Variants in TRMT5 observed in about 807,000 individuals in gnomAD.
The protein encoded by TRMT5 is tRNA (guanine(37)-N(1))-methyltransferase.
Under a neutral mutation model 42.2 loss-of-function variants are expected in TRMT5, and 31 were observed. That is an observed-to-expected ratio of 0.73 (90% confidence interval 0.55 to 0.99). TRMT5 has a LOEUF of 0.99. TRMT5 is among the 50% of genes least tolerant of loss of function. The pLI is 0.00. For missense variants in TRMT5, 568 were observed against 595.0 expected (o/e 0.95, Z 0.47); for synonymous variants, 198 against 209.6 (o/e 0.94, Z 0.48).
chr14:60,975,872 C>T lies in TRMT5; in HGVS notation c.1047G>A (p.Val349=). 6.2e-7 allele frequency: 1 copy of T among 1,614,188 alleles called. No homozygotes were observed. The highest frequency in any genetic ancestry group is 1.1e-5 in the South Asian group (1 of 91,078). The change falls in exon 4 of 5, where the codon GTG becomes GTA. Residue 349 remains valine, a synonymous_variant. Coordinates refer to ENST00000261249, the MANE Select transcript of TRMT5 (RefSeq NM_020810.3). ...CTTTCCCATCCAAGTTGAAGACTTT[C>T]ACCTTTTGGTCCACTTTATTTAATT... ...NCKLNKVDQK[V]KVFNLDGKDF...
intron 2 of TRMT5, 99 bp from the exon 3 acceptor site, chr14:60,977,737 T>C: frequency 7.9e-7 from 1 of 1,269,606 alleles, no homozygotes; most frequent in Non-Finnish European, 1.1e-6. Flanking sequence ...TTTCTTTTGG[T>C]TGATAAAGAC....
rs2036777522 is a variant in TRMT5, at chr14:60,971,821, C to T, written c.*3288G>A. 6.0e-6 allele frequency: 1 copy of T among 166,470 alleles called. No homozygotes were observed. The highest frequency in any genetic ancestry group is 1.3e-5 in the Non-Finnish European group (1 of 78,168). 10.3% of individuals were successfully genotyped at this position (166,470 alleles called of 1,614,324 possible). A position where few individuals can be genotyped will look rare whatever the true frequency, so the allele number is the denominator to read the frequency against. ...TCACTGGAAAGTCCAGATTGCCAGA[C>T]ACACTGGTAACCAATGACCGGGGGT... is the stretch of plus-strand genomic sequence containing the variant. On this transcript the variant is annotated 3_prime_UTR_variant, in exon 5 of 5. Coordinates refer to ENST00000261249, the MANE Select transcript of TRMT5 (RefSeq NM_020810.3).
At position 60,975,631 on chromosome 14, in the gene TRMT5, C is replaced by A; in HGVS notation, c.1288G>T (p.Asp430Tyr). The change falls in exon 4 of 5, where the codon GAT becomes TAT. Residue 430 changes from aspartate to tyrosine, a missense_variant. Asp to Tyr is a radical substitution (Grantham distance 160). Coordinates refer to ENST00000261249, the MANE Select transcript of TRMT5 (RefSeq NM_020810.3). Reference sequence around the variant, plus strand: ...ACAGCTCCAGCCCTTTGCCGAACATCCTCAGCAGGGTTAGCATCTTTGGAA... The same window carrying A: ...ACAGCTCCAGCCCTTTGCCGAACATACTCAGCAGGGTTAGCATCTTTGGAA... Reference protein sequence around the residue: ...SFSKDANPAEDVRQRAGAVLG... With the variant: ...SFSKDANPAEYVRQRAGAVLG... 6.2e-7 allele frequency: 1 copy of A among 1,614,198 alleles called. No homozygotes were observed. The highest frequency in any genetic ancestry group is 8.5e-7 in the Non-Finnish European group (1 of 1,180,030).
chr14:60,978,896 T>C (rs1270549123), intron 2 of TRMT5, among the ~76,000 whole-genome samples: 1 of 152,176 alleles, frequency 6.6e-6, no homozygotes, highest in East Asian at 1.9e-4. Context: ...TTATGAAACC[T>C]AGTATTTAAC....
chr14:60,979,092 G>T, intron 2 of TRMT5, 139 bp downstream of exon 2: 1 of 768,476 alleles, frequency 1.3e-6, no homozygotes, highest in Non-Finnish European at 2.0e-6. Flanking sequence ...AGGGTATGTA[G>T]CTCAAGATCT....
chr14:60,975,526 T>A lies in TRMT5; in HGVS notation c.1393A>T (p.Thr465Ser), dbSNP rs2036833907. The change falls in exon 4 of 5, where the codon ACG (threonine) becomes TCG (serine). Residue 465 changes from threonine to serine, a missense_variant. Physicochemically the swap from Thr to Ser is moderately conservative, Grantham distance 58 (BLOSUM62 1). Coordinates refer to ENST00000261249, the MANE Select transcript of TRMT5 (RefSeq NM_020810.3). ...AGGACAGAGGCAGGAATCTGAAACG[T>A]GATGCACAGCATTTCCTTGTTTGGG... ...VAPNKEMLCI[T>S]FQIPASVLYK... 1 of 1,614,208 alleles carries A rather than the reference T, an allele frequency of 6.2e-7. No individual in the cohort carries two copies. Among genetic ancestry groups the A allele is most frequent in the African/African-American group, 1.3e-5 (1 of 75,044 alleles).
At position 60,973,681 on chromosome 14, in the gene TRMT5, C is replaced by A. The variant is rs1178627823; in HGVS notation, c.*1428G>T. 6.6e-6 allele frequency: 1 copy of A among 152,180 alleles called. No individual in the cohort carries two copies. The highest frequency in any genetic ancestry group is 1.5e-5 in the Non-Finnish European group (1 of 68,040). The allele number at this position is 152,180 out of a possible 1,614,324, so 9.4% of individuals were successfully genotyped here. A position where few individuals can be genotyped will look rare whatever the true frequency, so the allele number is the denominator to read the frequency against. ...TAAAAATAAAAATAGAGTCAAAGAACCATCCAGAATCATTTCCTTTTTAAA... is the reference window on the plus strand; with the variant it reads ...TAAAAATAAAAATAGAGTCAAAGAAACATCCAGAATCATTTCCTTTTTAAA... On this transcript the variant is annotated 3_prime_UTR_variant, in exon 5 of 5. Coordinates refer to ENST00000261249, the MANE Select transcript of TRMT5 (RefSeq NM_020810.3).
In TRMT5 at chr14:60,975,628, C is replaced by T; in HGVS notation, c.1291G>A (p.Val431Ile). The T allele has an allele frequency of 1.9e-6, 3 of 1,614,214 alleles. No homozygotes were observed. The highest frequency in any genetic ancestry group is 2.5e-6 in the Non-Finnish European group (3 of 1,180,042). ...FSKDANPAED[V>I]RQRAGAVLGI... ...AACACAGCTCCAGCCCTTTGCCGAA[C>T]ATCCTCAGCAGGGTTAGCATCTTTG... is the stretch of plus-strand genomic sequence containing the variant. The change falls in exon 4 of 5, where the codon GTT (valine) becomes ATT (isoleucine). Residue 431 changes from valine to isoleucine, a missense_variant. Val to Ile is a conservative substitution (Grantham distance 29). Transcript: ENST00000261249.
In TRMT5 at chr14:60,975,166, C is replaced by T; in HGVS notation, c.1473G>A (p.Arg491=). 6.2e-7 allele frequency: 1 copy of T among 1,608,416 alleles called. No homozygotes were observed. The highest frequency in any genetic ancestry group is 8.5e-7 in the Non-Finnish European group (1 of 1,178,178). ...PENHEDPPLK[R]QRTAEAFSDE... ...CTGAAAAGGCTTCAGCCGTCCTCTG[C>T]CTTTTAAGAGGTGGATCTTCATGAT... The change falls in exon 5 of 5, where the codon AGG becomes AGA. Residue 491 remains arginine (R), a synonymous_variant. Transcript: ENST00000261249.
At position 60,973,396 on chromosome 14, in the gene TRMT5, C is replaced by G. The variant is rs1358448365; in HGVS notation, c.*1713G>C. 6.6e-6 allele frequency: 1 copy of G among 152,272 alleles called. No homozygotes were observed. 9.4% of individuals were successfully genotyped at this position (152,272 alleles called of 1,614,324 possible). A position where few individuals can be genotyped will look rare whatever the true frequency, so the allele number is the denominator to read the frequency against. On this transcript the variant is annotated 3_prime_UTR_variant, in exon 5 of 5. Transcript: ENST00000261249. ...GAGAAGGCACTTCACATGGCGAAGG[C>G]AGGAGCAAGAGAGTGTGGGGGGCGA...
Position 60,972,032 on chromosome 14 carries a change from A to C in TRMT5, c.*3077T>G. 1 of 247,336 alleles carries C rather than the reference A, an allele frequency of 4.0e-6. No homozygotes were observed. Among genetic ancestry groups the C allele is most frequent in the South Asian group, 4.7e-5 (1 of 21,274 alleles). The allele number at this position is 247,336 out of a possible 1,614,324, so 15.3% of individuals were successfully genotyped here. ...CAAGAGGAAGTCTCTCAAAACTAGA[A>C]GGGAAAGATGTTTTCCCCGTATCAA... On this transcript the variant is annotated 3_prime_UTR_variant, in exon 5 of 5. Transcript: ENST00000261249.
At chr14:60,981,328 T>C (rs1396854262), upstream of TRMT5, 11 of 1,610,962 alleles carry the variant, frequency 6.8e-6, no homozygotes, top group Non-Finnish European at 7.6e-6. Context: ...GGTATGTCTC[T>C]GTCCAGCAGC....
intron 2 of TRMT5, 88 bp from the exon 3 acceptor site, chr14:60,977,726 A>G: frequency 3.0e-6 from 4 of 1,351,738 alleles, no homozygotes; most frequent in Non-Finnish European, 4.0e-6. Context: ...AATGAGTTGT[A>G]TTTCTTTTGG....
Position 60,975,682 on chromosome 14 carries a change from G to A in TRMT5, c.1237C>T (p.Leu413Phe). The A allele has an allele frequency of 1.2e-6, 2 of 1,614,218 alleles. No homozygotes were observed. The highest frequency in any genetic ancestry group is 1.7e-6 in the Non-Finnish European group (2 of 1,180,046). ...AAGCTATAACAATGCACTATGGGAA[G>A]GAACTCACTGCTGCATGGCTGCCCA... ...LDGQPCSSEFLPIVHCYSFSK... is the reference protein window; with the variant it reads ...LDGQPCSSEFFPIVHCYSFSK... Residue 413 changes from leucine (L) to phenylalanine (F), a missense_variant, in exon 4 of 5, where the codon CTT (leucine) becomes TTT (phenylalanine). Physicochemically the swap from Leu to Phe is conservative, Grantham distance 22. Coordinates refer to ENST00000261249, the MANE Select transcript of TRMT5 (RefSeq NM_020810.3).
upstream of TRMT5, chr14:60,981,511 T>C: frequency 1.3e-6 from 2 of 1,534,344 alleles, no homozygotes; most frequent in Non-Finnish European, 1.7e-6. Context: ...CCCTGGGGGA[T>C]GGGGTCTGAA....
Position 60,980,968 on chromosome 14 carries a change from C to G in TRMT5, c.6G>C (p.Val2=). The change falls in exon 1 of 5, where the codon GTG becomes GTC. Residue 2 remains valine (V), a synonymous_variant. Coordinates refer to ENST00000261249, the MANE Select transcript of TRMT5 (RefSeq NM_020810.3). M[V]LWILWRPFGF... is the part of the protein sequence containing the mutation. The stretch of plus-strand genomic sequence containing the variant: ...TAACGCGGCCGCCACCTCACCAAAG[C>G]ACCATTCCAATTCCCCACGTCGCTC... 6.2e-7 allele frequency: 1 copy of G among 1,612,378 alleles called. No individual in the cohort carries two copies. Among genetic ancestry groups the G allele is most frequent in the Non-Finnish European group, 8.5e-7 (1 of 1,180,024 alleles).
chr14:60,979,194 C>G, intron 2 of TRMT5, 37 bp downstream of exon 2: 1 of 1,501,436 alleles, frequency 6.7e-7, no homozygotes, highest in Non-Finnish European at 8.9e-7. Flanking sequence ...TTTGCAAATT[C>G]CCTTCAAATA....
At chr14:60,979,086 T>C in intron 2 of TRMT5, 145 bp downstream of exon 2, 1 of 714,428 alleles carries the variant, frequency 1.4e-6, no homozygotes, top group South Asian at 2.1e-5. Flanking sequence ...CAAAAGAGGG[T>C]ATGTAGCTCA....
rs1367942442 is a variant in TRMT5, at chr14:60,975,068, T to C, written c.*41A>G. 10 of 1,472,992 alleles carry C rather than the reference T, an allele frequency of 6.8e-6. No individual in the cohort carries two copies. The highest frequency in any genetic ancestry group is 9.3e-6 in the Non-Finnish European group (10 of 1,073,884). 91.2% of individuals were successfully genotyped at this position (1,472,992 alleles called of 1,614,324 possible). ...TTAAATAATACAAATTCTATTTCAC[T>C]ACATGTAAGTCTGGTAGGGAGATGG... On this transcript the variant is annotated 3_prime_UTR_variant, in exon 5 of 5. Coordinates refer to ENST00000261249, the MANE Select transcript of TRMT5 (RefSeq NM_020810.3).
Sources: gnomAD v4.1 joint callset for allele counts (sites outside exome capture counted in the v4.1 genomes callset) on GRCh38, gnomAD v4.1.1 for gene constraint, MANE v1.5 for transcripts, NCBI Gene and HGNC (gene_info 2026-07-23, HGNC 2026-07-21) for gene names.